The following ALG12 variants were observed in gnomAD, a reference collection of about 807,000 sequenced individuals.
The protein encoded by ALG12 is ALG12 alpha-1,6-mannosyltransferase, also known as dol-P-Man:Man(7)GlcNAc(2)-PP-Dol alpha-1,6-mannosyltransferase.
In ALG12, 36 loss-of-function variants were observed where a neutral mutation model predicts 46.0. The ratio of observed to expected loss-of-function variants is 0.78; its 90% CI spans 0.60 to 1.03. ALG12 has a LOEUF of 1.03. Ranked by LOEUF, ALG12 falls within the 50% of genes least tolerant of loss-of-function variation. The probability of loss-of-function intolerance (pLI) is 0.00; values close to 1 mark genes in which losing one functional copy is unlikely to be tolerated. For missense variants in ALG12, 599 were observed against 633.5 expected (o/e 0.95, Z 0.58); for synonymous variants, 326 against 291.6 (o/e 1.12, Z -1.20).
At chr22:49,863,337 T>A in the ALG12 span, among the ~76,000 whole-genome samples, 4 of 152,118 alleles carry the variant, frequency 2.6e-5, no homozygotes, top group East Asian at 1.9e-4. Flanking sequence ...GTTTTAAAAA[T>A]TTTTTTGTAG....
intron 1 of ALG12, among the ~76,000 whole-genome samples, chr22:49,917,978 AGAGGTCCAGCCCCAG>A (rs2060625007): frequency 3.7e-5 from 5 of 133,898 alleles, no homozygotes; most frequent in Non-Finnish European, 8.1e-5. Context: ...GCCCCAGGTG[AGAGGTCCAGCCCCAG>A]GTGAGAGGTC....
In ALG12 at chr22:49,909,477, G is replaced by A. The variant is rs182276967; in HGVS notation, c.665-130C>T. The A allele has an allele frequency of 3.1e-5, 29 of 926,658 alleles. No individual in the cohort carries two copies. In the Admixed American group the frequency reaches 4.6e-4, roughly 15 times the overall value. The allele number at this position is 926,658 out of a possible 1,614,324, so 57.4% of individuals were successfully genotyped here. On this transcript the variant is annotated intron_variant, in intron 5 of 9. Coordinates refer to ENST00000330817, the MANE Select transcript of ALG12 (RefSeq NM_024105.4). ...TAAAAGAGGTTGGGCAGGGTGGGAA[G>A]ATTGCTGGAGCCTAGGAGTTCAAGG...
At position 49,913,610 on chromosome 22, in the gene ALG12, C is replaced by T; in HGVS notation, c.156G>A (p.Leu52=). The T allele has an allele frequency of 6.2e-7, 1 of 1,614,094 alleles. No individual in the cohort carries two copies. The highest frequency in any genetic ancestry group is 8.5e-7 in the Non-Finnish European group (1 of 1,180,030). The change falls in exon 2 of 10, where the codon CTG becomes CTA. Residue 52 remains leucine (L), a synonymous_variant. Transcript: ENST00000330817. ...GACAGCAGGGGCCCCTCACCTGCTC[C>T]AGGTCTTGCCAGTGGTAGAGCAGGT... is the stretch of plus-strand genomic sequence containing the variant. ...THDLLYHWQD[L]EQYDHLEFPG...
chr22:49,876,409 C>T, the ALG12 span, among the ~76,000 whole-genome samples: 1 of 152,064 alleles, frequency 6.6e-6, no homozygotes, highest in African/African-American at 2.4e-5. Context: ...ACCTTGTCTC[C>T]CTTTAGTTCT....
the ALG12 span, among the ~76,000 whole-genome samples, chr22:49,872,416 C>T: frequency 6.6e-6 from 1 of 152,190 alleles, no homozygotes. Context: ...GCAGTCACTT[C>T]CTCCATTGAA....
At chr22:49,886,808 G>T in the ALG12 span, 2 of 1,613,430 alleles carry the variant, frequency 1.2e-6, no homozygotes, top group Non-Finnish European at 1.7e-6. The surrounding 1 kb of genome is among the most constrained non-coding windows in gnomAD (Gnocchi z 7.7). Flanking sequence ...TCCCACAGGT[G>T]TGATGCTGGC....
At chr22:49,904,287 C>T in intron 8 of ALG12, 33 bp from the exon 9 acceptor site, 3 of 1,614,178 alleles carry the variant, frequency 1.9e-6, no homozygotes, top group Non-Finnish European at 2.5e-6. Context: ...CAGAGCCCAG[C>T]CCTGCAGTCG....
chr22:49,911,970 C>T (rs762382951), intron 3 of ALG12, among the ~76,000 whole-genome samples: 4 of 114,374 alleles, frequency 3.5e-5, no homozygotes, highest in South Asian at 3.1e-4. Context: ...CTCGGCCTCA[C>T]GATCAGCCTC....
chr22:49,895,692 T>C (rs2060481107), downstream of ALG12, among the ~76,000 whole-genome samples: 1 of 152,080 alleles, frequency 6.6e-6, no homozygotes, highest in Non-Finnish European at 1.5e-5. Context: ...TAAGGAGAGT[T>C]TGTATCCTTG....
intron 1 of ALG12, among the ~76,000 whole-genome samples, chr22:49,915,781 G>A (rs1313595458): frequency 6.6e-6 from 1 of 152,120 alleles, no homozygotes; most frequent in East Asian, 1.9e-4. Context: ...CAGCCGCTGT[G>A]GCCTGAAGGC....
intron 7 of ALG12, 119 bp downstream of exon 7, chr22:49,907,602 G>A (rs1402378497): frequency 3.4e-6 from 4 of 1,177,726 alleles, no homozygotes; most frequent in Non-Finnish European, 4.9e-6. Flanking sequence ...CTCCAGCTGG[G>A]CGACAGAGCA....
chr22:49,861,804 C>A, the ALG12 span, among the ~76,000 whole-genome samples: 1 of 152,194 alleles, frequency 6.6e-6, no homozygotes, highest in Non-Finnish European at 1.5e-5. Context: ...GGCTCTGATC[C>A]TTTGCCGTGG....
Position 49,913,859 on chromosome 22 carries a change from CAG to C in ALG12, c.-78-18_-78-17del. On this transcript the variant is annotated splice_polypyrimidine_tract_variant and intron_variant, in intron 1 of 9. Transcript: ENST00000330817. ...TCCACGCATGCTGGAAAAGTGGAAA[CAG>C]ATTCCTGAGGTTCGAAAGTCACGCT... 3.9e-6 allele frequency: 6 copies of C among 1,554,450 alleles called. No individual in the cohort carries two copies. Among genetic ancestry groups the C allele is most frequent in the Non-Finnish European group, 5.3e-6 (6 of 1,136,826 alleles).
chr22:49,862,643 TTTG>T, the ALG12 span, among the ~76,000 whole-genome samples: 1 of 151,750 alleles, frequency 6.6e-6, no homozygotes, highest in South Asian at 2.1e-4. Flanking sequence ...TTCCTTATTC[TTTG>T]TTGTTTTGAC....
the ALG12 span, among the ~76,000 whole-genome samples, chr22:49,878,230 G>C: frequency 1.3e-5 from 2 of 150,192 alleles, no homozygotes; most frequent in East Asian, 3.9e-4. Flanking sequence ...GTTTGAACCC[G>C]GGAGGCGGAG....
At chr22:49,897,311 C>T (rs1337024421), downstream of ALG12, among the ~76,000 whole-genome samples, 4 of 152,120 alleles carry the variant, frequency 2.6e-5, no homozygotes, top group Non-Finnish European at 5.9e-5. Flanking sequence ...TTTGTGTGGA[C>T]GTAAGTTTTC....
chr22:49,908,252 G>A (rs999533107), intron 6 of ALG12, among the ~76,000 whole-genome samples: 19 of 152,166 alleles, frequency 1.2e-4, no homozygotes, highest in Non-Finnish European at 1.9e-4. Context: ...ATGGTCGGCC[G>A]GGCGCAGTGG....
chr22:49,864,950 C>CCGCCCCCG, the ALG12 span, among the ~76,000 whole-genome samples: 10 of 74,750 alleles, frequency 1.3e-4, 1 homozygote, highest in East Asian at 1.7e-3. Context: ...CCCCCCCCCC[C>CCGCCCCCG]CCGTGAAGTC....
the ALG12 span, among the ~76,000 whole-genome samples, chr22:49,875,586 A>G: frequency 6.6e-6 from 1 of 151,358 alleles, no homozygotes; most frequent in Non-Finnish European, 1.5e-5. Flanking sequence ...ACGCCCGGCT[A>G]ATTTTTGTAT....
Sources: gnomAD v4.1 joint callset for allele counts (sites outside exome capture counted in the v4.1 genomes callset) on GRCh38, gnomAD v4.1.1 for gene constraint, Gnocchi (gnomAD v3.1) non-coding constraint, MANE v1.5 for transcripts, NCBI Gene and HGNC (gene_info 2026-07-23, HGNC 2026-07-21) for gene names.